The following PXDN variants were observed in gnomAD, a reference collection of about 807,000 sequenced individuals.
PXDN encodes the protein peroxidasin homolog.
In PXDN, 77 loss-of-function variants were observed where a neutral mutation model predicts 140.3. The ratio of observed to expected loss-of-function variants is 0.55; its 90% CI spans 0.46 to 0.66. The LOEUF (loss-of-function observed/expected upper bound fraction) is 0.66, where lower values mean the gene tolerates loss of function less well. Ranked by LOEUF, PXDN falls within the 30% of genes least tolerant of loss-of-function variation. PXDN has a pLI of 0.00. For missense variants in PXDN, 1,838 were observed against 2,039.5 expected (o/e 0.90, Z 1.90); for synonymous variants, 911 against 857.4 (o/e 1.06, Z -1.09).
chr2:1,671,466 A>C (rs1208223140), intron 9 of PXDN, among the ~76,000 whole-genome samples: 1 of 152,114 alleles, frequency 6.6e-6, no homozygotes, highest in East Asian at 1.9e-4. Flanking sequence ...ATATATGCAC[A>C]TGGAAAGGCT....
intron 1 of PXDN, among the ~76,000 whole-genome samples, chr2:1,733,321 T>C (rs1358936771): frequency 6.6e-6 from 1 of 151,938 alleles, no homozygotes; most frequent in Non-Finnish European, 1.5e-5. Context: ...CATATCATAA[T>C]CCAATTGCTC....
rs1683274802 is a variant in PXDN at position 1,660,351 on chromosome 2, G to C, written c.1837+530C>G. Among the ~76,000 whole-genome samples, 1 of 152,168 alleles carries C rather than the reference G, an allele frequency of 6.6e-6. No individual in the cohort carries two copies. The highest frequency in any genetic ancestry group is 1.5e-5 in the Non-Finnish European group (1 of 68,018). On this transcript the variant is annotated intron_variant, in intron 14 of 22. Coordinates refer to ENST00000252804, the MANE Select transcript of PXDN (RefSeq NM_012293.3). This position sits in a 1 kb window ranked among gnomAD's most constrained non-coding sequence, Gnocchi z 4.6. ...TGGCGGACCAGGATGCAAACAGACAGATGCAGGCATGGAGTCAGGACGGCT... is the reference window on the plus strand; with the variant it reads ...TGGCGGACCAGGATGCAAACAGACACATGCAGGCATGGAGTCAGGACGGCT...
chr2:1,716,202 C>T (rs754489893), intron 1 of PXDN, among the ~76,000 whole-genome samples: 6 of 152,148 alleles, frequency 3.9e-5, no homozygotes, highest in Non-Finnish European at 7.3e-5. Context: ...CTTTGGCAGG[C>T]TGAGGAGGGT....
chr2:1,706,967 G>C, intron 1 of PXDN, among the ~76,000 whole-genome samples: 1 of 149,812 alleles, frequency 6.7e-6, no homozygotes, highest in Non-Finnish European at 1.5e-5. Context: ...TACAATCCGA[G>C]AGCACGCTTC....
At chr2:1,697,130 C>T (rs1262890521) in intron 1 of PXDN, among the ~76,000 whole-genome samples, 1 of 152,100 alleles carries the variant, frequency 6.6e-6, no homozygotes, top group African/African-American at 2.4e-5. Context: ...TTCCCAGTAA[C>T]GTGGGTTCAA....
rs1417661480 is a variant in PXDN at position 1,716,116 on chromosome 2, T to TGTC, written c.201-22983_201-22982insGAC. Among the ~76,000 whole-genome samples, 11 of 152,148 alleles carry TGTC rather than the reference T, an allele frequency of 7.2e-5. No homozygotes were observed. In the East Asian group the frequency reaches 2.1e-3, roughly 29 times the overall value. On this transcript the variant is annotated intron_variant, in intron 1 of 22. Coordinates refer to ENST00000252804, the MANE Select transcript of PXDN (RefSeq NM_012293.3). ...CTTCCTGGACAGATGCCTGGGCCTC[T>TGTC]CTGAGCCTCAGTGTACGTATCTATA...
intron 8 of PXDN, among the ~76,000 whole-genome samples, chr2:1,674,983 C>T (rs570698666): frequency 1.8e-4 from 27 of 152,310 alleles, no homozygotes; most frequent in South Asian, 4.1e-4. Flanking sequence ...CCTGCCAGCG[C>T]GCAGCCAAAC....
intron 6 of PXDN, 121 bp downstream of exon 6, chr2:1,683,535 C>A: frequency 2.2e-6 from 2 of 896,198 alleles, no homozygotes; most frequent in Non-Finnish European, 1.7e-6. Flanking sequence ...CATATATTCT[C>A]ATTCTTTCAG....
chr2:1,657,514 C>T (rs961804133), intron 14 of PXDN, among the ~76,000 whole-genome samples: 6 of 151,916 alleles, frequency 3.9e-5, no homozygotes, highest in South Asian at 2.1e-4. Context: ...CTGACTAGGA[C>T]GTCCCCCTCC....
At chr2:1,679,512 CGT>C (rs761706169) in intron 7 of PXDN, among the ~76,000 whole-genome samples, 89 of 111,688 alleles carry the variant, frequency 8.0e-4, no homozygotes, top group Non-Finnish European at 1.4e-3. Context: ...TGTGTATGTG[CGT>C]GTGTGTGGTT....
At chr2:1,647,387 C>A (rs1163739214) in intron 17 of PXDN, among the ~76,000 whole-genome samples, 1 of 152,212 alleles carries the variant, frequency 6.6e-6, no homozygotes, top group Non-Finnish European at 1.5e-5. Context: ...TGGCTATGGA[C>A]CCGGCAGCCC....
In PXDN at chr2:1,716,939, C is replaced by T. The variant is rs561715122; in HGVS notation, c.201-23805G>A. ...GCCCAACAGGGGCAGAAAAAGAAGG[C>T]GTCACTAGCCTTGCCCCCATCCAGC... On this transcript the variant is annotated intron_variant, in intron 1 of 22. Transcript: ENST00000252804. Among the ~76,000 whole-genome samples, 441 of 152,298 alleles carry T rather than the reference C, an allele frequency of 2.9e-3. 1 individual carries two copies. Among genetic ancestry groups the T allele is most frequent in the Non-Finnish European group, 4.9e-3 (333 of 68,030 alleles).
intron 17 of PXDN, among the ~76,000 whole-genome samples, chr2:1,646,325 C>G (rs1476785000): frequency 1.3e-5 from 2 of 152,210 alleles, no homozygotes; most frequent in Non-Finnish European, 2.9e-5. Flanking sequence ...TGGCGCTGGG[C>G]TCCACATCTA....
chr2:1,684,720 C>T (rs1684009427), intron 4 of PXDN, among the ~76,000 whole-genome samples: 3 of 152,200 alleles, frequency 2.0e-5, no homozygotes, highest in Non-Finnish European at 2.9e-5. Flanking sequence ...CCTCGGGTGT[C>T]GTTGATTGTA....
intron 1 of PXDN, among the ~76,000 whole-genome samples, chr2:1,705,524 A>ACAGAGTGCAGCTGCCCACGACCTGGGACG (rs1558517817): frequency 1.0e-5 from 1 of 98,102 alleles, no homozygotes; most frequent in Non-Finnish European, 2.0e-5. Context: ...GATGCAGGGT[A>ACAGAGTGCAGCTGCCCACGACCTGGGACG]CAGAGTGCAG....
chr2:1,648,171 C>T lies in PXDN; in HGVS notation c.3608+1G>A. On this transcript the variant is annotated splice_donor_variant, in intron 17 of 22. Transcript: ENST00000252804. LOFTEE classifies it high-confidence loss of function. The surrounding 1 kb of genome is among the most constrained non-coding windows in gnomAD (Gnocchi z 8.9). ...CATCCCACACAGCCTCTTCAGCTCA[C>T]CTTTTCAGTTTCTCCCGGATCTCAG... 1.9e-6 allele frequency: 3 copies of T among 1,610,522 alleles called. No individual in the cohort carries two copies.
Position 1,649,472 on chromosome 2 carries a change from C to G in PXDN, c.2308G>C (p.Val770Leu). 6.2e-7 allele frequency: 1 copy of G among 1,613,980 alleles called. No homozygotes were observed. The highest frequency in any genetic ancestry group is 8.5e-7 in the Non-Finnish European group (1 of 1,179,890). Residue 770 changes from valine (V) to leucine (L), a missense_variant, in exon 17 of 23, where the codon GTG (valine) becomes CTG (leucine). Val to Leu is a conservative substitution (Grantham distance 32). Around this residue, in one of 5 missense-constraint regions of PXDN, gnomAD observed 537 missense variants for 583.9 expected, o/e 0.92. Transcript: ENST00000252804. The surrounding 1 kb of genome is among the most constrained non-coding windows in gnomAD (Gnocchi z 7.1). ...LTAFERLLKS[V>L]YENGFNTPRG... ...GGGGTGTTGAAGCCATTCTCGTACA[C>G]GGATTTCAGCAGGCGCTCGAAGGCG...
rs1682660463 is a variant in PXDN, at chr2:1,639,393, A to G, written c.3982T>C (p.Phe1328Leu). The G allele has an allele frequency of 6.2e-7, 1 of 1,613,996 alleles. No individual in the cohort carries two copies. The highest frequency in any genetic ancestry group is 8.5e-7 in the Non-Finnish European group (1 of 1,179,872). Residue 1328 changes from phenylalanine to leucine, a missense_variant, in exon 20 of 23, where the codon TTT becomes CTT. By Grantham distance (22) the Phe-to-Leu change is conservative. Coordinates refer to ENST00000252804, the MANE Select transcript of PXDN (RefSeq NM_012293.3). This position sits in a 1 kb window ranked among gnomAD's most constrained non-coding sequence, Gnocchi z 5.0. ...CGTCTGCCTCGGAAATGATAGGAAA[A>G]GGCATTGAACTGCCCCCTGGTCCTA... ...DCRTRGQFNA[F>L]SYHFRGRRSL...
chr2:1,646,695 G>A (rs895456400), intron 17 of PXDN, among the ~76,000 whole-genome samples: 4 of 152,144 alleles, frequency 2.6e-5, no homozygotes, highest in South Asian at 2.1e-4. Flanking sequence ...TAACTTCAGC[G>A]TTAAGTAACT....
Sources: allele counts gnomAD v4.1 joint callset (sites outside exome capture counted in the v4.1 genomes callset), GRCh38; gene constraint gnomAD v4.1.1; regional missense constraint gnomAD v4.1.1; non-coding constraint Gnocchi (gnomAD v3.1); transcripts MANE v1.5; gene names NCBI Gene and HGNC (gene_info 2026-07-23, HGNC 2026-07-21).